Variants in TAF4 observed in about 807,000 individuals in gnomAD.
The protein encoded by TAF4 is transcription initiation factor TFIID subunit 4.
In TAF4, 9 loss-of-function variants were observed where a neutral mutation model predicts 90.3. That is an observed-to-expected ratio of 0.10 (90% CI 0.06 to 0.17). TAF4 has a LOEUF of 0.17. Among genes scored for constraint, TAF4 ranks in the 10% least tolerant of loss-of-function variants. The pLI, the probability that TAF4 is intolerant of heterozygous loss-of-function variation, is 1.00. For missense variants in TAF4, 1,351 were observed against 1,370.7 expected (o/e 0.99, Z 0.23); for synonymous variants, 818 against 638.9 (o/e 1.28, Z -4.23).
rs1187608081 is a variant in TAF4, at chr20:62,003,843, G to C, written c.2259C>G (p.Ile753Met). Reference protein sequence around the residue: ...IQQPPKPGALIRPPQVTLTQT... With the variant: ...IQQPPKPGALMRPPQVTLTQT... ...GCGTCAACGTCACCTGCGGGGGCCGGATCAGGGCTCCTGGCTTCGGAGGCT... is the reference window on the plus strand; with the variant it reads ...GCGTCAACGTCACCTGCGGGGGCCGCATCAGGGCTCCTGGCTTCGGAGGCT... Residue 753 changes from isoleucine (I) to methionine (M), a missense_variant, in exon 8 of 15, where the codon ATC (isoleucine) becomes ATG (methionine). Transcript: ENST00000252996. The C allele has an allele frequency of 1.9e-6, 3 of 1,592,544 alleles. No homozygotes were observed. The highest frequency in any genetic ancestry group is 3.5e-5 in the Admixed American group (2 of 56,866).
At chr20:62,044,527 C>A (rs1367129650) in intron 1 of TAF4, among the ~76,000 whole-genome samples, 2 of 152,156 alleles carry the variant, frequency 1.3e-5, no homozygotes, top group African/African-American at 4.8e-5. Context: ...GAGTTTTGAA[C>A]ACAGTACTGA....
rs748405298 is a variant in TAF4 at position 62,012,887 on chromosome 20, T to G, written c.1569A>C (p.Ile523=). The change falls in exon 3 of 15, where the codon ATA becomes ATC. Residue 523 remains isoleucine, a synonymous_variant. Coordinates refer to ENST00000252996, the MANE Select transcript of TAF4 (RefSeq NM_003185.4). ...IIARQVTPTT[I]IKQVSQAQTT... is the part of the protein sequence containing the mutation. ...TCTGGGCCTGAGACACTTGCTTAAT[T>G]ATGGTAGTTGGGGTCACCTGCCGTG... is the stretch of plus-strand genomic sequence containing the variant. 46 of 1,613,950 alleles carry G rather than the reference T, an allele frequency of 2.9e-5. No individual in the cohort carries two copies. The highest frequency in any genetic ancestry group is 5.0e-5 in the Admixed American group (3 of 59,992).
chr20:62,010,317 T>G lies in TAF4; in HGVS notation c.1642-152A>C. The G allele has an allele frequency of 1.7e-6, 2 of 1,171,022 alleles. No homozygotes were observed. Among genetic ancestry groups the G allele is most frequent in the East Asian group, 2.5e-5 (1 of 39,644 alleles). The allele number at this position is 1,171,022 out of a possible 1,614,324, so 72.5% of individuals were successfully genotyped here. ...GGACCCCGGCCACCTGCCAGCCCGC[T>G]GGACACGGGAGTGCTGCTGGGAGGC... On this transcript the variant is annotated intron_variant, in intron 3 of 14. Coordinates refer to ENST00000252996, the MANE Select transcript of TAF4 (RefSeq NM_003185.4). The surrounding 1 kb of genome is among the most constrained non-coding windows in gnomAD (Gnocchi z 4.5).
chr20:62,001,695 G>C (rs1050396768), intron 9 of TAF4, among the ~76,000 whole-genome samples: 7 of 152,118 alleles, frequency 4.6e-5, no homozygotes, highest in African/African-American at 1.7e-4. Flanking sequence ...TGGCTGGGCT[G>C]CACAGCTTAG....
At chr20:62,020,190 G>A in intron 1 of TAF4, among the ~76,000 whole-genome samples, 1 of 152,210 alleles carries the variant, frequency 6.6e-6, no homozygotes, top group East Asian at 1.9e-4. Context: ...CCCAGCCCAG[G>A]ACGACAGGCC....
At position 62,003,894 on chromosome 20, in the gene TAF4, C is replaced by T. The variant is rs1489991224; in HGVS notation, c.2224-16G>A. On this transcript the variant is annotated splice_polypyrimidine_tract_variant and intron_variant, in intron 7 of 14. Coordinates refer to ENST00000252996, the MANE Select transcript of TAF4 (RefSeq NM_003185.4). ...GCTGGATGACCTGAGGCAGAGCCAG[C>T]AGAGAATGGTGAGCATGCTCCCCGA... The T allele has an allele frequency of 3.3e-6, 5 of 1,538,292 alleles. No homozygotes were observed. The East Asian group carries it at 6.9e-5, about 21-fold the overall frequency.
intron 4 of TAF4, among the ~76,000 whole-genome samples, 184 bp from the exon 5 acceptor site, chr20:62,009,358 T>C (rs547663372): frequency 2.0e-4 from 30 of 152,364 alleles, no homozygotes; most frequent in Non-Finnish European, 2.9e-4. Flanking sequence ...ATCAGTCACA[T>C]GGCCACCGAA....
At chr20:61,984,262 T>G (rs892060825) in intron 14 of TAF4, among the ~76,000 whole-genome samples, 3 of 151,774 alleles carry the variant, frequency 2.0e-5, no homozygotes, top group Non-Finnish European at 4.4e-5. Context: ...ACAAGAACTA[T>G]GACAACACAC....
chr20:62,014,757 T>C, intron 1 of TAF4, 50 bp from the exon 2 acceptor site: 2 of 1,598,426 alleles, frequency 1.3e-6, no homozygotes, highest in Non-Finnish European at 1.7e-6. Flanking sequence ...CCCAGAGCCA[T>C]GAGGAGGCCC....
chr20:62,050,452 A>G (rs1459242609), intron 1 of TAF4, among the ~76,000 whole-genome samples: 1 of 152,086 alleles, frequency 6.6e-6, no homozygotes, highest in Non-Finnish European at 1.5e-5. Flanking sequence ...GTGCTTGTAC[A>G]TGGAGATTCC....
chr20:62,011,664 CG>C (rs1222989973), intron 3 of TAF4, among the ~76,000 whole-genome samples: 1 of 152,106 alleles, frequency 6.6e-6, no homozygotes, highest in Non-Finnish European at 1.5e-5. Flanking sequence ...GCCGGGGTTG[CG>C]GGGGGAGCTG....
chr20:62,009,857 G>A (rs563888101), intron 4 of TAF4, among the ~76,000 whole-genome samples, 189 bp downstream of exon 4: 17 of 152,250 alleles, frequency 1.1e-4, no homozygotes, highest in African/African-American at 2.2e-4. Flanking sequence ...TAAGGCCCTC[G>A]GAGCCCACCT....
At chr20:62,000,814 G>T in intron 9 of TAF4, 93 bp from the exon 10 acceptor site, 1 of 1,428,448 alleles carries the variant, frequency 7.0e-7, no homozygotes, top group Non-Finnish European at 9.7e-7. Flanking sequence ...CACGTGGAAG[G>T]CAGGGCCGTG....
At chr20:62,049,067 C>T (rs528238555) in intron 1 of TAF4, among the ~76,000 whole-genome samples, 8 of 150,708 alleles carry the variant, frequency 5.3e-5, no homozygotes, top group Non-Finnish European at 1.0e-4. Context: ...ATGACCACCT[C>T]GGTCACCAGG....
chr20:62,061,083 G>C (rs1199432380), intron 1 of TAF4, among the ~76,000 whole-genome samples: 2 of 152,216 alleles, frequency 1.3e-5, no homozygotes, highest in East Asian at 1.9e-4. Flanking sequence ...AACGGCAACA[G>C]GGCCCTCAAG....
intron 1 of TAF4, among the ~76,000 whole-genome samples, chr20:62,063,224 C>T (rs1333388631): frequency 1.3e-5 from 2 of 152,190 alleles, no homozygotes; most frequent in Non-Finnish European, 2.9e-5. Flanking sequence ...AGTCTGACCA[C>T]CAGCCCCGAA....
chr20:62,029,340 T>G (rs771319987), intron 1 of TAF4, among the ~76,000 whole-genome samples: 1 of 152,140 alleles, frequency 6.6e-6, no homozygotes, highest in Non-Finnish European at 1.5e-5. Context: ...TGCAACTCTG[T>G]GTGATAATCT....
In TAF4 at chr20:62,007,407, C is replaced by T. The variant is rs560772763; in HGVS notation, c.1974+140G>A. On this transcript the variant is annotated intron_variant, in intron 6 of 14. Coordinates refer to ENST00000252996, the MANE Select transcript of TAF4 (RefSeq NM_003185.4). ...AACATTCTGTCCCCAGGCACTGAGT[C>T]CCCGGCCCCACCCCCGTAGGCAGCA... 5.7e-4 allele frequency: 412 copies of T among 722,376 alleles called. 1 individual carries two copies. Among genetic ancestry groups the T allele is most frequent in the Non-Finnish European group, 1.4e-4 (61 of 434,648 alleles). 44.7% of individuals were successfully genotyped at this position (722,376 alleles called of 1,614,324 possible). A position where few individuals can be genotyped will look rare whatever the true frequency, so the allele number is the denominator to read the frequency against.
intron 14 of TAF4, among the ~76,000 whole-genome samples, chr20:61,979,882 G>A (rs1465506329): frequency 1.5e-4 from 21 of 141,484 alleles, no homozygotes; most frequent in Middle Eastern, 4.6e-3. Flanking sequence ...GTGCAGGCGC[G>A]ACGGCCACTC....
Sources: gnomAD v4.1 joint callset for allele counts (sites outside exome capture counted in the v4.1 genomes callset) on GRCh38, gnomAD v4.1.1 for gene constraint, Gnocchi (gnomAD v3.1) non-coding constraint, MANE v1.5 for transcripts, NCBI Gene and HGNC (gene_info 2026-07-23, HGNC 2026-07-21) for gene names.